PCDH15: variants seen among roughly 807,000 people sequenced by gnomAD.
PCDH15 encodes the protein protocadherin-15.
PCDH15 carries 129 observed loss-of-function variants against 178.5 expected under a neutral mutation model. The observed-to-expected ratio is 0.72, with a 90% CI of 0.63 to 0.84. The LOEUF (loss-of-function observed/expected upper bound fraction) is 0.84, where lower values mean the gene tolerates loss of function less well. Among genes scored for constraint, PCDH15 ranks in the 40% least tolerant of loss-of-function variants. The probability of loss-of-function intolerance (pLI) is 0.00; values close to 1 mark genes in which losing one functional copy is unlikely to be tolerated. For missense variants in PCDH15, 2,230 were observed against 2,099.9 expected (o/e 1.06, Z -1.21); for synonymous variants, 800 against 732.0 (o/e 1.09, Z -1.50).
chr10:54,744,633 A>G (rs1463136674), intron 1 of PCDH15, among the ~76,000 whole-genome samples: 1 of 152,122 alleles, frequency 6.6e-6, no homozygotes, highest in Non-Finnish European at 1.5e-5. Flanking sequence ...AAGACAAAGA[A>G]AACTTATAGA....
chr10:54,763,686 C>T (rs1053525592), intron 1 of PCDH15, among the ~76,000 whole-genome samples: 11 of 150,154 alleles, frequency 7.3e-5, no homozygotes, highest in African/African-American at 1.5e-4. Context: ...TTGATTTTTA[C>T]GTGTGGTATG....
intron 2 of PCDH15, among the ~76,000 whole-genome samples, chr10:55,437,803 TG>T (rs1839077616): frequency 1.3e-5 from 2 of 150,046 alleles, no homozygotes; most frequent in Non-Finnish European, 3.0e-5. Flanking sequence ...AGAAGATAAA[TG>T]GACCAAATTG....
chr10:53,946,124 A>G (rs772540980), intron 23 of PCDH15, among the ~76,000 whole-genome samples: 7 of 152,130 alleles, frequency 4.6e-5, no homozygotes, highest in Non-Finnish European at 7.4e-5. Flanking sequence ...ATCTACAATG[A>G]GATATCACCT....
At chr10:54,196,026 A>G in intron 10 of PCDH15, 137 bp from the exon 11 acceptor site, 1 of 709,990 alleles carries the variant, frequency 1.4e-6, no homozygotes, top group South Asian at 1.8e-5. Flanking sequence ...TTAAAGGGCC[A>G]TTTGAAAATA....
At chr10:55,458,191 T>C (rs556966771) in intron 2 of PCDH15, among the ~76,000 whole-genome samples, 1 of 152,068 alleles carries the variant, frequency 6.6e-6, no homozygotes, top group South Asian at 2.1e-4. Context: ...GATAAACTTT[T>C]AAATGGTTTG....
At chr10:54,601,223 T>C (rs1277276737) in intron 2 of PCDH15, among the ~76,000 whole-genome samples, 1 of 151,906 alleles carries the variant, frequency 6.6e-6, no homozygotes, top group African/African-American at 2.4e-5. Context: ...CAAAGGAAAC[T>C]ATCAACAAAG....
intron 3 of PCDH15, among the ~76,000 whole-genome samples, chr10:54,894,067 A>G (rs1332980511): frequency 6.6e-6 from 1 of 152,138 alleles, no homozygotes; most frequent in African/African-American, 2.4e-5. Context: ...CTAAGCAGGT[A>G]CATATGACAT....
At chr10:54,743,629 A>G (rs1945083869) in intron 1 of PCDH15, among the ~76,000 whole-genome samples, 1 of 152,010 alleles carries the variant, frequency 6.6e-6, no homozygotes, top group African/African-American at 2.4e-5. Flanking sequence ...ACAAATTACC[A>G]CCACTTGAAA....
At chr10:54,844,458 C>T (rs1402522782) in intron 3 of PCDH15, among the ~76,000 whole-genome samples, 1 of 151,892 alleles carries the variant, frequency 6.6e-6, no homozygotes, top group Non-Finnish European at 1.5e-5. Context: ...TATATGCTTT[C>T]CCTCACTCTT....
chr10:55,593,583 G>C (rs1178651566), intron 2 of PCDH15, among the ~76,000 whole-genome samples: 1 of 151,712 alleles, frequency 6.6e-6, no homozygotes, highest in Admixed American at 6.6e-5. Context: ...TATACATCTG[G>C]AAATAAGAGG....
rs138678359 is a variant in PCDH15 at position 54,899,875 on chromosome 10, T to C, written c.-79-2375A>G. Among the ~76,000 whole-genome samples the C allele has an allele frequency of 8.5e-3, 1,294 of 152,130 alleles. 14 individuals carry two copies. Among genetic ancestry groups the C allele is most frequent in the Non-Finnish European group, 0.014 (957 of 67,996 alleles). Reference sequence around the variant, plus strand: ...CATATTTTTCAAATATGTATTTCAGTAGAAAATAATTTTTAGAGTTGCTTA... The same window carrying C: ...CATATTTTTCAAATATGTATTTCAGCAGAAAATAATTTTTAGAGTTGCTTA... On this transcript the variant is annotated intron_variant, in intron 2 of 5. Transcript: ENST00000458638.
At chr10:55,165,674 T>C (rs1670756985) in intron 2 of PCDH15, among the ~76,000 whole-genome samples, 1 of 152,044 alleles carries the variant, frequency 6.6e-6, no homozygotes, top group African/African-American at 2.4e-5. Flanking sequence ...TTTCATTTTT[T>C]CTGGAGCCAG....
At chr10:54,890,865 T>C (rs1477216366) in intron 3 of PCDH15, among the ~76,000 whole-genome samples, 3 of 152,104 alleles carry the variant, frequency 2.0e-5, no homozygotes, top group Admixed American at 2.0e-4. Flanking sequence ...AAAGTTGTCC[T>C]CTTTCTCTGA....
chr10:54,325,921 A>C (rs1216678699), intron 7 of PCDH15, among the ~76,000 whole-genome samples: 5 of 152,104 alleles, frequency 3.3e-5, no homozygotes. Flanking sequence ...TAAATAAATA[A>C]ATAAGCAAAC....
intron 1 of PCDH15, among the ~76,000 whole-genome samples, chr10:54,707,635 CAAAATAATACA>C: frequency 6.6e-6 from 1 of 152,128 alleles, no homozygotes; most frequent in South Asian, 2.1e-4. Context: ...GCATTTATTT[CAAAATAATACA>C]AGGTCTTTCA....
At position 53,897,959 on chromosome 10, in the gene PCDH15, C is replaced by CTTTTTTTT. The variant is rs66513139; in HGVS notation, c.3501+5276_3501+5283dup. Reference sequence around the variant, plus strand: ...TGAACATATGTGTTGTTTCTTTTCCCTTTTTTTTTTTTTTTTTTTTTTTTT... The same window carrying CTTTTTTTT: ...TGAACATATGTGTTGTTTCTTTTCCCTTTTTTTTTTTTTTTTTTTTTTTTTTTTTTTTT... On this transcript the variant is annotated intron_variant, in intron 26 of 37. Transcript: ENST00000644397. 2.9e-4 allele frequency among the ~76,000 whole-genome samples: 24 copies of CTTTTTTTT among 82,402 alleles called. 1 individual carries two copies. The highest frequency in any genetic ancestry group is 9.2e-4 in the African/African-American group (17 of 18,408). The allele number at this position is 82,402 out of a possible 152,430, so 54.1% of individuals were successfully genotyped here.
intron 3 of PCDH15, among the ~76,000 whole-genome samples, chr10:54,423,043 C>T (rs905842898): frequency 7.9e-5 from 12 of 152,184 alleles, no homozygotes; most frequent in Admixed American, 2.0e-4. Flanking sequence ...TAGATACAGC[C>T]AGTTTTTTCT....
At chr10:55,167,701 A>G (rs1839232260) in intron 1 of PCDH15, among the ~76,000 whole-genome samples, 1 of 152,146 alleles carries the variant, frequency 6.6e-6, no homozygotes, top group African/African-American at 2.4e-5. Flanking sequence ...GGAAATAGCT[A>G]TATTTTGTTT....
At chr10:55,049,349 G>A (rs1841097871) in intron 2 of PCDH15, among the ~76,000 whole-genome samples, 1 of 151,672 alleles carries the variant, frequency 6.6e-6, no homozygotes, top group Non-Finnish European at 1.5e-5. Context: ...TGTATCTTCA[G>A]ACAACATGAA....
Sources: allele counts gnomAD v4.1 joint callset (sites outside exome capture counted in the v4.1 genomes callset), GRCh38; gene constraint gnomAD v4.1.1; transcripts MANE v1.5; gene names NCBI Gene and HGNC (gene_info 2026-07-23, HGNC 2026-07-21).